The following ECPAS variants were observed in gnomAD, a reference collection of about 807,000 sequenced individuals.
ECPAS encodes proteasome adapter and scaffold protein ECM29.
In ECPAS, 70 loss-of-function variants were observed where a neutral mutation model predicts 255.1. The observed-to-expected ratio is 0.27, with a 90% CI of 0.23 to 0.33. The LOEUF (loss-of-function observed/expected upper bound fraction) is 0.33. Ranked by LOEUF, ECPAS falls within the 10% of genes least tolerant of loss-of-function variation. ECPAS has a pLI of 1.00. For synonymous variants in ECPAS, 784 were observed against 775.0 expected (o/e 1.01, Z -0.19); for missense variants, 1,817 against 2,206.4 (o/e 0.82, Z 3.54).
At chr9:111,429,559 T>G (rs1353174535) in intron 9 of ECPAS, among the ~76,000 whole-genome samples, 1 of 152,178 alleles carries the variant, frequency 6.6e-6, no homozygotes, top group Non-Finnish European at 1.5e-5. Flanking sequence ...CAGCCAAACC[T>G]TTCCTCCCCA....
At chr9:111,364,827 C>T (rs894202205) in intron 48 of ECPAS, among the ~76,000 whole-genome samples, 3 of 152,096 alleles carry the variant, frequency 2.0e-5, no homozygotes, top group Non-Finnish European at 2.9e-5. Context: ...TGTATGTATC[C>T]CAACTGGGAA....
At chr9:111,474,959 C>A (rs1395121364) in intron 1 of ECPAS, among the ~76,000 whole-genome samples, 1 of 152,208 alleles carries the variant, frequency 6.6e-6, no homozygotes, top group African/African-American at 2.4e-5. Context: ...CCATTCCCAT[C>A]ATAACAGACT....
At chr9:111,482,221 G>T (rs1355214965) in intron 1 of ECPAS, among the ~76,000 whole-genome samples, 1 of 152,048 alleles carries the variant, frequency 6.6e-6, no homozygotes, top group Non-Finnish European at 1.5e-5. Context: ...CTCTCTAATC[G>T]CACCATGAGA....
At chr9:111,379,541 C>T (rs1183775743) in intron 35 of ECPAS, among the ~76,000 whole-genome samples, 1 of 152,176 alleles carries the variant, frequency 6.6e-6, no homozygotes, top group African/African-American at 2.4e-5. Flanking sequence ...GTCGTAATTT[C>T]TTAAAATAAG....
chr9:111,381,661 C>T (rs908191648), intron 35 of ECPAS, among the ~76,000 whole-genome samples: 1 of 152,216 alleles, frequency 6.6e-6, no homozygotes, highest in African/African-American at 2.4e-5. Flanking sequence ...CATTTGAAAG[C>T]ATATCCCTTA....
intron 3 of ECPAS, among the ~76,000 whole-genome samples, chr9:111,449,522 A>G (rs1198002440): frequency 1.3e-5 from 2 of 152,186 alleles, no homozygotes; most frequent in Non-Finnish European, 2.9e-5. Flanking sequence ...AAAGAATAAT[A>G]GTATGATAGA....
chr9:111,393,780 T>C (rs771290242), intron 26 of ECPAS, 46 bp from the exon 27 acceptor site: 19 of 1,284,128 alleles, frequency 1.5e-5, no homozygotes, highest in Non-Finnish European at 2.1e-5. Flanking sequence ...TCTACCTCTT[T>C]GAGAGAATAA....
chr9:111,466,699 GGTGCA>G (rs2098280072), intron 2 of ECPAS, among the ~76,000 whole-genome samples: 1 of 151,798 alleles, frequency 6.6e-6, no homozygotes, highest in Non-Finnish European at 1.5e-5. Context: ...CCCAAGCTGA[GGTGCA>G]GTGATGCAGT....
intron 3 of ECPAS, among the ~76,000 whole-genome samples, chr9:111,447,970 C>G (rs888404114): frequency 6.6e-6 from 1 of 151,928 alleles, no homozygotes. Context: ...AGGGAAAGGA[C>G]AAACAGACCA....
At chr9:111,427,408 A>T (rs536412483) in intron 10 of ECPAS, among the ~76,000 whole-genome samples, 12 of 152,286 alleles carry the variant, frequency 7.9e-5, no homozygotes, top group African/African-American at 2.4e-4. Flanking sequence ...GTTGCTAATG[A>T]TACCATTTTT....
At chr9:111,480,859 A>G (rs1589248699) in intron 1 of ECPAS, among the ~76,000 whole-genome samples, 1 of 152,248 alleles carries the variant, frequency 6.6e-6, no homozygotes, top group Non-Finnish European at 1.5e-5. Flanking sequence ...ACTTTCCATT[A>G]GGTACTAGAG....
In ECPAS at chr9:111,417,846, A is replaced by G. The variant is rs1363541640; in HGVS notation, c.1683+37T>C. ...GATGTTTTTATTTTCATCATCCATTATGATTTAGACTAATTACCTTAAGTT... is the reference window on the plus strand; with the variant it reads ...GATGTTTTTATTTTCATCATCCATTGTGATTTAGACTAATTACCTTAAGTT... On this transcript the variant is annotated intron_variant, in intron 17 of 49. Transcript: ENST00000684092. 2.7e-6 allele frequency: 4 copies of G among 1,498,292 alleles called. No homozygotes were observed. The East Asian group carries it at 7.5e-5, about 28-fold the overall frequency. The allele number at this position is 1,498,292 out of a possible 1,614,324, so 92.8% of individuals were successfully genotyped here.
intron 1 of ECPAS, chr9:111,483,910 T>C: frequency 1.5e-6 from 1 of 662,382 alleles, no homozygotes; most frequent in Non-Finnish European, 1.9e-6. Flanking sequence ...AGCTGAGCCA[T>C]CCTCCCAGCG....
At chr9:111,407,403 G>GTA (rs1463667838) in intron 24 of ECPAS, among the ~76,000 whole-genome samples, 3 of 12,058 alleles carry the variant, frequency 2.5e-4, no homozygotes, top group Non-Finnish European at 4.9e-4. Flanking sequence ...CTCCATCTCA[G>GTA]AAAAAAAAAA....
intron 46 of ECPAS, among the ~76,000 whole-genome samples, chr9:111,367,193 C>T (rs1040814201): frequency 6.6e-6 from 1 of 152,076 alleles, no homozygotes; most frequent in Non-Finnish European, 1.5e-5. Flanking sequence ...AACTCAACAA[C>T]GAAGTTATTT....
At chr9:111,470,202 T>C (rs1435720034) in intron 2 of ECPAS, among the ~76,000 whole-genome samples, 1 of 152,182 alleles carries the variant, frequency 6.6e-6, no homozygotes, top group African/African-American at 2.4e-5. Context: ...AGTCCACCAG[T>C]CTGTCCCCCA....
Position 111,484,343 on chromosome 9 carries a change from C to A in ECPAS, c.-310G>T. 6.2e-7 allele frequency: 1 copy of A among 1,608,534 alleles called. No individual in the cohort carries two copies. Among genetic ancestry groups the A allele is most frequent in the Non-Finnish European group, 8.5e-7 (1 of 1,178,284 alleles). On this transcript the variant is annotated 5_prime_UTR_variant, in exon 1 of 50. Transcript: ENST00000684092. Reference sequence around the variant, plus strand: ...CGGCTGTCACGTTGGCTGGGCCCGACCTGGGGAAACACGCCTGTCCAAAGG... The same window carrying A: ...CGGCTGTCACGTTGGCTGGGCCCGAACTGGGGAAACACGCCTGTCCAAAGG...
chr9:111,394,802 G>A (rs968604162), intron 25 of ECPAS, among the ~76,000 whole-genome samples: 6 of 152,080 alleles, frequency 3.9e-5, no homozygotes, highest in Non-Finnish European at 8.8e-5. Context: ...GAGACCAGTG[G>A]CACCCACCCT....
Position 111,409,599 on chromosome 9 carries a change from A to G in ECPAS, c.2550+442T>C, listed in dbSNP as rs558286214. On this transcript the variant is annotated intron_variant, in intron 23 of 49. Transcript: ENST00000684092. ...AAAAGATTATATCAATTAAACTTGT[A>G]GTAGTAAACTGATATTTCTGCTCAT... is the stretch of plus-strand genomic sequence containing the variant. 3.3e-5 allele frequency among the ~76,000 whole-genome samples: 5 copies of G among 152,270 alleles called. No individual in the cohort carries two copies. In the South Asian group the frequency reaches 1.0e-3, roughly 32 times the overall value.
Sources: allele counts gnomAD v4.1 joint callset (sites outside exome capture counted in the v4.1 genomes callset), GRCh38; gene constraint gnomAD v4.1.1; transcripts MANE v1.5; gene names NCBI Gene and HGNC (gene_info 2026-07-23, HGNC 2026-07-21).